SMIM5: variants seen among roughly 807,000 people sequenced by gnomAD.
The protein encoded by SMIM5 is small integral membrane protein 5, also known as chromosome 17 open reading frame 109.
In SMIM5, 4 loss-of-function variants were observed where a neutral mutation model predicts 4.0. That is an observed-to-expected ratio of 1.01 (90% confidence interval 0.50 to 2.30). The LOEUF is 2.30. SMIM5 is among the 30% of genes most tolerant of loss of function. The probability of loss-of-function intolerance (pLI) is 0.02; values close to 1 mark genes in which losing one functional copy is unlikely to be tolerated. For synonymous variants in SMIM5, 46 were observed against 43.6 expected (o/e 1.05, Z -0.22); for missense variants, 107 against 99.2 (o/e 1.08, Z -0.34).
At chr17:75,634,605 G>A (rs1033306122) in intron 1 of SMIM5, among the ~76,000 whole-genome samples, 1 of 152,210 alleles carries the variant, frequency 6.6e-6, no homozygotes, top group East Asian at 1.9e-4. Flanking sequence ...GAGCCCTGTC[G>A]AGGTCAGCGC....
At chr17:75,637,361 G>A (rs559309208) in intron 1 of SMIM5, 1 of 152,524 alleles carries the variant, frequency 6.6e-6, no homozygotes, top group East Asian at 1.9e-4. Flanking sequence ...TAGACAGAGA[G>A]GGAGGGGAGA....
chr17:75,637,004 CTT>C (rs2059336012), intron 1 of SMIM5: 4 of 152,280 alleles, frequency 2.6e-5, no homozygotes, highest in Non-Finnish European at 4.4e-5. Flanking sequence ...GGAACTGACA[CTT>C]TTCCCCGCTG....
In SMIM5 at chr17:75,640,366, G is replaced by C; in HGVS notation, c.127+38G>C. 2 of 1,503,216 alleles carry C rather than the reference G, an allele frequency of 1.3e-6. No homozygotes were observed. The highest frequency in any genetic ancestry group is 1.8e-6 in the Non-Finnish European group (2 of 1,120,288). The allele number at this position is 1,503,216 out of a possible 1,614,324, so 93.1% of individuals were successfully genotyped here. On this transcript the variant is annotated intron_variant, in intron 2 of 2. Coordinates refer to ENST00000375215, the MANE Select transcript of SMIM5 (RefSeq NM_001162995.3). This position sits in a 1 kb window ranked among gnomAD's most constrained non-coding sequence, Gnocchi z 4.6. Reference sequence around the variant, plus strand: ...ACTCAGCACCCCATGGCTCTCCCTGGCATCTGGGAGAGACCACACCATGGT... The same window carrying C: ...ACTCAGCACCCCATGGCTCTCCCTGCCATCTGGGAGAGACCACACCATGGT...
rs779698236 is a variant in SMIM5 at position 75,633,559 on chromosome 17, A to T, written c.-680A>T. ...AAGACGCCTTCAGATGCTGAGCGGC[A>T]CAAGGGCCTCCCCAGGGACTGGTTG... On this transcript the variant is annotated 5_prime_UTR_variant, in exon 1 of 3. Coordinates refer to ENST00000375215, the MANE Select transcript of SMIM5 (RefSeq NM_001162995.3). The T allele has an allele frequency of 7.8e-7, 1 of 1,274,208 alleles. No individual in the cohort carries two copies. The allele number at this position is 1,274,208 out of a possible 1,614,324, so 78.9% of individuals were successfully genotyped here. A position where few individuals can be genotyped will look rare whatever the true frequency, so the allele number is the denominator to read the frequency against.
chr17:75,640,057 T>G lies in SMIM5; in HGVS notation c.-36-109T>G. On this transcript the variant is annotated intron_variant, in intron 1 of 2. Coordinates refer to ENST00000375215, the MANE Select transcript of SMIM5 (RefSeq NM_001162995.3). This position sits in a 1 kb window ranked among gnomAD's most constrained non-coding sequence, Gnocchi z 4.6. ...CACCAGGGGTGCAATGTGTGAGACC[T>G]GACAAACTTGTTCTGCGGGCTGCGG... The G allele has an allele frequency of 8.2e-7, 1 of 1,224,754 alleles. No individual in the cohort carries two copies. Among genetic ancestry groups the G allele is most frequent in the African/African-American group, 1.5e-5 (1 of 65,280 alleles). 75.9% of individuals were successfully genotyped at this position (1,224,754 alleles called of 1,614,324 possible). A position where few individuals can be genotyped will look rare whatever the true frequency, so the allele number is the denominator to read the frequency against.
At chr17:75,638,089 C>G (rs2049916004) in intron 1 of SMIM5, 1 of 152,164 alleles carries the variant, frequency 6.6e-6, no homozygotes, top group Non-Finnish European at 1.5e-5. Flanking sequence ...GTGTGAGAAG[C>G]TGGGTGGATC....
Position 75,640,412 on chromosome 17 carries a change from A to G in SMIM5, c.127+84A>G. On this transcript the variant is annotated intron_variant, in intron 2 of 2. Transcript: ENST00000375215. The surrounding 1 kb of genome is among the most constrained non-coding windows in gnomAD (Gnocchi z 4.6). Reference sequence around the variant, plus strand: ...ATGGTGCCAGCCAGAGGGCTGGCAGAGGTGGCGGGTGTCTGCCGGATCAAG... The same window carrying G: ...ATGGTGCCAGCCAGAGGGCTGGCAGGGGTGGCGGGTGTCTGCCGGATCAAG... The G allele has an allele frequency of 6.9e-7, 1 of 1,450,490 alleles. No individual in the cohort carries two copies. Among genetic ancestry groups the G allele is most frequent in the Non-Finnish European group, 9.1e-7 (1 of 1,097,466 alleles). 89.9% of individuals were successfully genotyped at this position (1,450,490 alleles called of 1,614,324 possible). A position where few individuals can be genotyped will look rare whatever the true frequency, so the allele number is the denominator to read the frequency against.
chr17:75,640,153 T>A lies in SMIM5; in HGVS notation c.-36-13T>A, dbSNP rs560163685. 6.6e-7 allele frequency: 1 copy of A among 1,505,532 alleles called. No individual in the cohort carries two copies. Among genetic ancestry groups the A allele is most frequent in the East Asian group, 2.5e-5 (1 of 40,546 alleles). 93.3% of individuals were successfully genotyped at this position (1,505,532 alleles called of 1,614,324 possible). A position where few individuals can be genotyped will look rare whatever the true frequency, so the allele number is the denominator to read the frequency against. On this transcript the variant is annotated splice_polypyrimidine_tract_variant and intron_variant, in intron 1 of 2. Coordinates refer to ENST00000375215, the MANE Select transcript of SMIM5 (RefSeq NM_001162995.3). The surrounding 1 kb of genome is among the most constrained non-coding windows in gnomAD (Gnocchi z 4.6). ...AGCCGTGGAGGCTCCAGGTGTTCTC[T>A]CTGCCCCAGCAGAGCCCGGCAGGAG...
chr17:75,635,697 A>C, intron 1 of SMIM5: 1 of 706,416 alleles, frequency 1.4e-6, no homozygotes, highest in Non-Finnish European at 1.7e-6. Flanking sequence ...TTCTAGGTGG[A>C]CCTCAAACGA....
chr17:75,637,794 G>A (rs575784796), intron 1 of SMIM5: 2 of 152,376 alleles, frequency 1.3e-5, no homozygotes, highest in South Asian at 2.1e-4. Flanking sequence ...CCCACTGCAC[G>A]GGCAGTACCC....
chr17:75,633,436 C>G lies in SMIM5; in HGVS notation c.-803C>G. 2 of 1,288,982 alleles carry G rather than the reference C, an allele frequency of 1.6e-6. No homozygotes were observed. Among genetic ancestry groups the G allele is most frequent in the Non-Finnish European group, 2.0e-6 (2 of 988,506 alleles). The allele number at this position is 1,288,982 out of a possible 1,614,324, so 79.8% of individuals were successfully genotyped here. On this transcript the variant is annotated 5_prime_UTR_variant, in exon 1 of 3. Transcript: ENST00000375215. ...GACAGCTGGGCCAGGAGTGCGGTCA[C>G]AGCCCCAGCAGAAGGCCCTCACCTC...
intron 1 of SMIM5, chr17:75,639,580 T>C (rs1260547775): frequency 1.3e-5 from 2 of 152,434 alleles, no homozygotes; most frequent in East Asian, 1.9e-4. Flanking sequence ...ACAGAAACCC[T>C]GGCAAAACCT....
In SMIM5 at chr17:75,640,115, CGA is replaced by C; in HGVS notation, c.-36-49_-36-48del. On this transcript the variant is annotated intron_variant, in intron 1 of 2. Coordinates refer to ENST00000375215, the MANE Select transcript of SMIM5 (RefSeq NM_001162995.3). This position sits in a 1 kb window ranked among gnomAD's most constrained non-coding sequence, Gnocchi z 4.6. The stretch of plus-strand genomic sequence containing the variant: ...CGAGGGTGGAATCTCGGTGCTGCGA[CGA>C]GTGTGGGGCCAGCCGTGGAGGCTCC... The C allele has an allele frequency of 1.4e-6, 2 of 1,439,176 alleles. No homozygotes were observed. The highest frequency in any genetic ancestry group is 1.8e-6 in the Non-Finnish European group (2 of 1,098,182). The allele number at this position is 1,439,176 out of a possible 1,614,324, so 89.2% of individuals were successfully genotyped here.
chr17:75,640,898 C>G lies in SMIM5; in HGVS notation c.*1C>G. 1 of 1,543,368 alleles carries G rather than the reference C, an allele frequency of 6.5e-7. No homozygotes were observed. The highest frequency in any genetic ancestry group is 1.4e-5 in the African/African-American group (1 of 73,160). ...CCAGGTGCAGCCGACACCACCATGACGGACGGGCGATGGCTGAGGAGAAGC... is the reference window on the plus strand; with the variant it reads ...CCAGGTGCAGCCGACACCACCATGAGGGACGGGCGATGGCTGAGGAGAAGC... On this transcript the variant is annotated 3_prime_UTR_variant, in exon 3 of 3. Coordinates refer to ENST00000375215, the MANE Select transcript of SMIM5 (RefSeq NM_001162995.3). The surrounding 1 kb of genome is among the most constrained non-coding windows in gnomAD (Gnocchi z 4.6).
Position 75,634,275 on chromosome 17 carries a change from G to A in SMIM5, c.-37+73G>A, listed in dbSNP as rs545666768. On this transcript the variant is annotated intron_variant, in intron 1 of 2. Transcript: ENST00000375215. ...AAGGGTCCCCTGCCCCCAGGGTGAA[G>A]GGCCACAGTCTACCATAAACACGGA... 1.3e-5 allele frequency: 13 copies of A among 984,846 alleles called. No individual in the cohort carries two copies. The East Asian group carries it at 1.1e-3, about 86-fold the overall frequency. 61.0% of individuals were successfully genotyped at this position (984,846 alleles called of 1,614,324 possible).
intron 1 of SMIM5, 108 bp downstream of exon 1, chr17:75,634,310 G>A (rs911608102): frequency 6.2e-6 from 6 of 962,636 alleles, no homozygotes; most frequent in Admixed American, 6.2e-5. Flanking sequence ...AGAGGTCTTC[G>A]GGGACATGCT....
rs975944731 is a variant in SMIM5, at chr17:75,641,232, A to G, written c.*335A>G. 12 of 248,884 alleles carry G rather than the reference A, an allele frequency of 4.8e-5. No individual in the cohort carries two copies. Among genetic ancestry groups the G allele is most frequent in the Non-Finnish European group, 9.7e-5 (12 of 123,764 alleles). 15.4% of individuals were successfully genotyped at this position (248,884 alleles called of 1,614,324 possible). ...CATACCTTGATGGAGAACAGTCCCC[A>G]CCTGTGGGCAATTGGCCCTTGGGGC... On this transcript the variant is annotated 3_prime_UTR_variant, in exon 3 of 3. Coordinates refer to ENST00000375215, the MANE Select transcript of SMIM5 (RefSeq NM_001162995.3).
Position 75,633,919 on chromosome 17 carries a change from G to A in SMIM5, c.-320G>A. Reference sequence around the variant, plus strand: ...GAGAGGGAGCTTGTCTTGTCCCTGAGCAGCGCTCTCAGGGCAGAGGTGAGG... The same window carrying A: ...GAGAGGGAGCTTGTCTTGTCCCTGAACAGCGCTCTCAGGGCAGAGGTGAGG... On this transcript the variant is annotated 5_prime_UTR_variant, in exon 1 of 3. Coordinates refer to ENST00000375215, the MANE Select transcript of SMIM5 (RefSeq NM_001162995.3). 1 of 987,448 alleles carries A rather than the reference G, an allele frequency of 1.0e-6. No homozygotes were observed. The allele number at this position is 987,448 out of a possible 1,614,324, so 61.2% of individuals were successfully genotyped here. A position where few individuals can be genotyped will look rare whatever the true frequency, so the allele number is the denominator to read the frequency against.
In SMIM5 at chr17:75,636,522, T is replaced by G. The variant is rs1424775855; in HGVS notation, c.-37+2320T>G. On this transcript the variant is annotated intron_variant, in intron 1 of 2. Transcript: ENST00000375215. This position sits in a 1 kb window ranked among gnomAD's most constrained non-coding sequence, Gnocchi z 5.4. Reference sequence around the variant, plus strand: ...CACAGCTGGGAACACTAAGGTTCCCTTAGGAGCAGCGGCTGGGGCACATGC... The same window carrying G: ...CACAGCTGGGAACACTAAGGTTCCCGTAGGAGCAGCGGCTGGGGCACATGC... 2 of 152,186 alleles carry G rather than the reference T, an allele frequency of 1.3e-5. No homozygotes were observed. The highest frequency in any genetic ancestry group is 2.9e-5 in the Non-Finnish European group (2 of 68,056). The allele number at this position is 152,186 out of a possible 1,614,324, so 9.4% of individuals were successfully genotyped here. A position where few individuals can be genotyped will look rare whatever the true frequency, so the allele number is the denominator to read the frequency against.
Sources: gnomAD v4.1 joint callset for allele counts (sites outside exome capture counted in the v4.1 genomes callset) on GRCh38, gnomAD v4.1.1 for gene constraint, Gnocchi (gnomAD v3.1) non-coding constraint, MANE v1.5 for transcripts, NCBI Gene and HGNC (gene_info 2026-07-23, HGNC 2026-07-21) for gene names.